The following SAMMSON variants were observed in gnomAD, a reference collection of about 807,000 sequenced individuals.
The protein encoded by SAMMSON is long intergenic non-protein coding RNA 1212.
chr3:70,210,248 C>A (rs1200044404), intron 4 of SAMMSON, among the ~76,000 whole-genome samples: 1 of 152,092 alleles, frequency 6.6e-6, no homozygotes, highest in African/African-American at 2.4e-5. Flanking sequence ...CCATTTGGAG[C>A]ACACTAGGCT....
chr3:70,023,506 A>G (rs1408294417), intron 3 of SAMMSON, among the ~76,000 whole-genome samples: 1 of 152,054 alleles, frequency 6.6e-6, no homozygotes, highest in African/African-American at 2.4e-5. Context: ...TTTATTTATA[A>G]TATGTTTCCT....
chr3:70,241,949 A>G (rs1701670100), intron 4 of SAMMSON, among the ~76,000 whole-genome samples: 1 of 152,194 alleles, frequency 6.6e-6, no homozygotes, highest in Admixed American at 6.5e-5. Context: ...GTATAATAAC[A>G]TTTGTTTAGG....
intron 7 of SAMMSON, among the ~76,000 whole-genome samples, chr3:70,311,694 T>G (rs972783559): frequency 6.6e-6 from 1 of 152,074 alleles, no homozygotes; most frequent in African/African-American, 2.4e-5. Flanking sequence ...ACAAGAAGCA[T>G]TTTAATAATA....
intron 6 of SAMMSON, among the ~76,000 whole-genome samples, chr3:70,288,136 T>C (rs1253686686): frequency 6.9e-6 from 1 of 145,400 alleles, no homozygotes; most frequent in African/African-American, 2.6e-5. Flanking sequence ...TTCTAGTTCT[T>C]TTAATTGTGA....
intron 4 of SAMMSON, among the ~76,000 whole-genome samples, chr3:70,114,038 C>T (rs1202081460): frequency 2.0e-5 from 3 of 152,148 alleles, no homozygotes; most frequent in Non-Finnish European, 4.4e-5. Context: ...TTATAGGAGC[C>T]TGAGCTGACT....
chr3:70,357,541 G>T (rs895517410), intron 8 of SAMMSON, among the ~76,000 whole-genome samples: 1 of 151,960 alleles, frequency 6.6e-6, no homozygotes, highest in Non-Finnish European at 1.5e-5. Flanking sequence ...TAAAATGAGA[G>T]CACATGGACA....
chr3:70,242,807 T>C (rs1701675312), intron 4 of SAMMSON, among the ~76,000 whole-genome samples: 1 of 152,186 alleles, frequency 6.6e-6, no homozygotes, highest in Non-Finnish European at 1.5e-5. Context: ...CAAGCATTGG[T>C]AATCTAATTT....
At chr3:70,411,506 T>A (rs1701217709) in intron 2 of SAMMSON, among the ~76,000 whole-genome samples, 1 of 152,190 alleles carries the variant, frequency 6.6e-6, no homozygotes, top group South Asian at 2.1e-4. Flanking sequence ...ATTTTTTGGT[T>A]CTTGTGATGT....
At chr3:70,363,418 C>T (rs1410668801) in intron 9 of SAMMSON, among the ~76,000 whole-genome samples, 1 of 151,812 alleles carries the variant, frequency 6.6e-6, no homozygotes, top group Non-Finnish European at 1.5e-5. Flanking sequence ...AATCTTATAC[C>T]TAGAAAAACC....
At chr3:70,308,180 A>T (rs1377549526) in intron 7 of SAMMSON, among the ~76,000 whole-genome samples, 1 of 152,090 alleles carries the variant, frequency 6.6e-6, no homozygotes, top group Non-Finnish European at 1.5e-5. Flanking sequence ...TCTGTCTAGT[A>T]GTTGGGACTA....
intron 4 of SAMMSON, among the ~76,000 whole-genome samples, chr3:70,090,612 T>A (rs1314224485): frequency 6.6e-6 from 1 of 152,198 alleles, no homozygotes; most frequent in Non-Finnish European, 1.5e-5. Flanking sequence ...GTTAGTACTT[T>A]TGATATTTCC....
chr3:70,222,922 C>A (rs1185476490), intron 4 of SAMMSON, among the ~76,000 whole-genome samples: 1 of 152,138 alleles, frequency 6.6e-6, no homozygotes, highest in Non-Finnish European at 1.5e-5. Flanking sequence ...GCTTGGTAAG[C>A]CCAAATGGTA....
At chr3:70,304,279 T>G (rs1702379049) in intron 7 of SAMMSON, among the ~76,000 whole-genome samples, 1 of 152,188 alleles carries the variant, frequency 6.6e-6, no homozygotes, top group Non-Finnish European at 1.5e-5. Flanking sequence ...AAATTTTATT[T>G]AATTTCCATT....
intron 7 of SAMMSON, among the ~76,000 whole-genome samples, chr3:70,307,170 G>A (rs1013822452): frequency 6.6e-6 from 1 of 152,070 alleles, no homozygotes; most frequent in African/African-American, 2.4e-5. Flanking sequence ...GGTTTCATTT[G>A]TCCTTGGTAT....
In SAMMSON at chr3:70,343,307, G is replaced by T. The variant is rs146842262; in HGVS notation, n.740-10868G>T. Among the ~76,000 whole-genome samples, 298 of 151,980 alleles carry T rather than the reference G, an allele frequency of 2.0e-3. 1 individual carries two copies. The highest frequency in any genetic ancestry group is 6.7e-3 in the African/African-American group (278 of 41,450). On this transcript the variant is annotated intron_variant and non_coding_transcript_variant, in intron 7 of 9. Coordinates refer to ENST00000642114, the Ensembl canonical transcript of SAMMSON. ...TTTTTTAGTTTTAATATTAACTAAAGGTTCTTTTTCGGTTCCAGGATGTCA... is the reference window on the plus strand; with the variant it reads ...TTTTTTAGTTTTAATATTAACTAAATGTTCTTTTTCGGTTCCAGGATGTCA...
chr3:70,095,869 A>G (rs1192069966), intron 4 of SAMMSON: 1 of 152,216 alleles, frequency 6.6e-6, no homozygotes, highest in Admixed American at 6.5e-5. Flanking sequence ...AATTTGACGT[A>G]TGGTTGCATC....
intron 7 of SAMMSON, among the ~76,000 whole-genome samples, chr3:70,334,412 C>G (rs538087945): frequency 4.4e-4 from 66 of 151,702 alleles, no homozygotes; most frequent in Middle Eastern, 3.5e-3. Flanking sequence ...ACATAATATA[C>G]AAATGTATGT....
chr3:70,220,630 G>C (rs1479756435), intron 4 of SAMMSON, among the ~76,000 whole-genome samples: 1 of 152,062 alleles, frequency 6.6e-6, no homozygotes, highest in African/African-American at 2.4e-5. Context: ...TGAGGTGTTT[G>C]GTCTCCCTTT....
At chr3:70,083,500 T>G (rs1322369380) in intron 4 of SAMMSON, among the ~76,000 whole-genome samples, 1 of 152,188 alleles carries the variant, frequency 6.6e-6, no homozygotes, top group Admixed American at 6.5e-5. Context: ...TCACCAAATC[T>G]TGGCCATGAC....
Sources: allele counts gnomAD v4.1 joint callset (sites outside exome capture counted in the v4.1 genomes callset), GRCh38; gene constraint gnomAD v4.1.1; transcripts MANE v1.5; gene names NCBI Gene and HGNC (gene_info 2026-07-23, HGNC 2026-07-21).